The following CASD1 variants were observed in gnomAD, a reference collection of about 807,000 sequenced individuals.
CASD1 encodes the protein CAS1 domain sialic acid O acetyltransferase 1.
CASD1 carries 41 observed loss-of-function variants against 100.0 expected under a neutral mutation model. The ratio of observed to expected loss-of-function variants is 0.41; its 90% confidence interval spans 0.32 to 0.53. The LOEUF (loss-of-function observed/expected upper bound fraction) is 0.53. Ranked by LOEUF, CASD1 falls within the 20% of genes least tolerant of loss-of-function variation. The pLI, the probability that CASD1 is intolerant of heterozygous loss-of-function variation, is 0.25. For synonymous variants in CASD1, 321 were observed against 315.6 expected (o/e 1.02, Z -0.18); for missense variants, 774 against 948.7 (o/e 0.82, Z 2.42).
the CASD1 span, among the ~76,000 whole-genome samples, chr7:94,570,499 CT>C: frequency 1.3e-5 from 2 of 151,840 alleles, no homozygotes; most frequent in Admixed American, 6.6e-5. Flanking sequence ...ACAAATTTGT[CT>C]TTTTTTGGCG....
downstream of CASD1, among the ~76,000 whole-genome samples, chr7:94,558,556 G>T (rs2116452976): frequency 6.6e-6 from 1 of 152,236 alleles, no homozygotes; most frequent in East Asian, 1.9e-4. Context: ...TTACCACTTT[G>T]AATATTTCTC....
the CASD1 span, among the ~76,000 whole-genome samples, chr7:94,612,043 C>T: frequency 6.6e-6 from 1 of 152,076 alleles, no homozygotes; most frequent in African/African-American, 2.4e-5. Context: ...CAGTTTCTAT[C>T]CTTTTAGTAA....
At chr7:94,537,993 A>G (rs1054322422) in intron 9 of CASD1, 99 bp downstream of exon 9, 1 of 710,218 alleles carries the variant, frequency 1.4e-6, no homozygotes, top group African/African-American at 1.8e-5. Flanking sequence ...AAATACACAA[A>G]CAGGTATAGA....
the CASD1 span, among the ~76,000 whole-genome samples, chr7:94,609,988 C>T: frequency 6.6e-6 from 1 of 152,146 alleles, no homozygotes; most frequent in Non-Finnish European, 1.5e-5. Context: ...GATAATTAAA[C>T]CGTGGTACAT....
chr7:94,599,216 T>C, the CASD1 span: 1 of 415,072 alleles, frequency 2.4e-6, no homozygotes. Flanking sequence ...ATTGTATTAA[T>C]ATTACTGTCC....
intron 1 of CASD1, among the ~76,000 whole-genome samples, chr7:94,515,183 C>T (rs960860239): frequency 6.6e-6 from 1 of 152,068 alleles, no homozygotes; most frequent in Non-Finnish European, 1.5e-5. Flanking sequence ...ATAACTGGTA[C>T]ATTTCCTGTC....
At chr7:94,609,181 C>G in the CASD1 span, among the ~76,000 whole-genome samples, 1 of 152,108 alleles carries the variant, frequency 6.6e-6, no homozygotes, top group South Asian at 2.1e-4. Flanking sequence ...GGACTGTTAT[C>G]CAAAATATAC....
At chr7:94,605,695 GGA>G in the CASD1 span, among the ~76,000 whole-genome samples, 2 of 151,784 alleles carry the variant, frequency 1.3e-5, no homozygotes, top group African/African-American at 4.8e-5. Flanking sequence ...TGTTAAAAGA[GGA>G]GAGAAAACAA....
the CASD1 span, among the ~76,000 whole-genome samples, chr7:94,581,508 T>G: frequency 6.6e-6 from 1 of 152,156 alleles, no homozygotes; most frequent in Non-Finnish European, 1.5e-5. Context: ...TAGATATTCT[T>G]CCTGATCCGC....
the CASD1 span, among the ~76,000 whole-genome samples, chr7:94,631,858 G>A: frequency 1.3e-5 from 2 of 151,896 alleles, no homozygotes; most frequent in Non-Finnish European, 2.9e-5. Flanking sequence ...TAATCTAAAG[G>A]AATCTCTTTG....
the CASD1 span, chr7:94,599,207 T>C: frequency 4.5e-6 from 2 of 444,554 alleles, no homozygotes; most frequent in Admixed American, 3.8e-5. Flanking sequence ...CTATGAAGCA[T>C]TGTATTAATA....
At chr7:94,565,200 CTA>C in the CASD1 span, among the ~76,000 whole-genome samples, 20 of 151,998 alleles carry the variant, frequency 1.3e-4, no homozygotes, top group African/African-American at 4.6e-4. Context: ...TACCTGGCCT[CTA>C]TTATTTTGGG....
chr7:94,613,542 T>G, the CASD1 span, among the ~76,000 whole-genome samples: 3 of 152,002 alleles, frequency 2.0e-5, no homozygotes, highest in Non-Finnish European at 2.9e-5. Context: ...CTAGATAGAG[T>G]TGTTTCTTGT....
the CASD1 span, chr7:94,619,632 C>G: frequency 2.0e-5 from 3 of 152,086 alleles, no homozygotes; most frequent in African/African-American, 7.2e-5. Flanking sequence ...TGTTCTCTTA[C>G]GATAAATAAT....
chr7:94,571,921 A>G, the CASD1 span, among the ~76,000 whole-genome samples: 27 of 152,148 alleles, frequency 1.8e-4, no homozygotes, highest in Non-Finnish European at 3.5e-4. Context: ...GACATTTGCA[A>G]GAGATTAAGT....
At position 94,510,184 on chromosome 7, in the gene CASD1, G is replaced by C. The variant is rs1260217646; in HGVS notation, c.100G>C (p.Ala34Pro). The C allele has an allele frequency of 6.6e-7, 1 of 1,514,066 alleles. No homozygotes were observed. Among genetic ancestry groups the C allele is most frequent in the Non-Finnish European group, 8.8e-7 (1 of 1,130,850 alleles). 93.8% of individuals were successfully genotyped at this position (1,514,066 alleles called of 1,614,324 possible). Residue 34 changes from alanine to proline, a missense_variant, in exon 1 of 18, where the codon GCA becomes CCA. Coordinates refer to ENST00000297273, the MANE Select transcript of CASD1 (RefSeq NM_022900.5). Reference sequence around the variant, plus strand: ...GGCGCTGGTGGCCGTGCTGCTGCTCGCAGCGTGCCACCTCGCCTCCCGCCG... The same window carrying C: ...GGCGCTGGTGGCCGTGCTGCTGCTCCCAGCGTGCCACCTCGCCTCCCGCCG... ...VLALVAVLLL[A>P]ACHLASRRYR...
the CASD1 span, among the ~76,000 whole-genome samples, chr7:94,586,059 A>C: frequency 8.4e-6 from 1 of 119,386 alleles, no homozygotes; most frequent in Non-Finnish European, 1.8e-5. Context: ...AAGGAACTAA[A>C]TGAAAAAAAA....
intron 10 of CASD1, among the ~76,000 whole-genome samples, chr7:94,540,606 G>C (rs1176036582): frequency 6.6e-6 from 1 of 152,130 alleles, no homozygotes; most frequent in Non-Finnish European, 1.5e-5. Context: ...CAGCTGACGG[G>C]AAGCTAGTGA....
the CASD1 span, among the ~76,000 whole-genome samples, chr7:94,605,748 A>C: frequency 6.6e-6 from 1 of 152,200 alleles, no homozygotes; most frequent in South Asian, 2.1e-4. Context: ...AAGTGGGAAA[A>C]GAGTGGAAGA....
Sources: gnomAD v4.1 joint callset for allele counts (sites outside exome capture counted in the v4.1 genomes callset) on GRCh38, gnomAD v4.1.1 for gene constraint, MANE v1.5 for transcripts, NCBI Gene and HGNC (gene_info 2026-07-23, HGNC 2026-07-21) for gene names.